The following STK3 variants were observed in gnomAD, a reference collection of about 807,000 sequenced individuals.
The protein encoded by STK3 is serine/threonine-protein kinase 3.
STK3 carries 41 observed loss-of-function variants against 58.0 expected under a neutral mutation model. That is an observed-to-expected ratio of 0.71 (90% confidence interval 0.55 to 0.92). The LOEUF (loss-of-function observed/expected upper bound fraction) is 0.92, where lower values mean the gene tolerates loss of function less well. STK3 is among the 40% of genes least tolerant of loss of function. STK3 has a pLI of 0.00. For missense variants in STK3, 479 were observed against 602.7 expected (o/e 0.79, Z 2.15); for synonymous variants, 170 against 191.0 (o/e 0.89, Z 0.91).
At position 98,509,472 on chromosome 8, in the gene STK3, GA is replaced by G. The variant is rs143107201; in HGVS notation, c.1317+17269del. Among the ~76,000 whole-genome samples, 1,432 of 152,056 alleles carry G rather than the reference GA, an allele frequency of 9.4e-3. 10 individuals are homozygous for G. The highest frequency in any genetic ancestry group is 0.038 in the Middle Eastern group (11 of 286). ...AGATGACTATTGTGCAGATTATTAA[GA>G]GACTGGTAAGTTTAATGAAAACATC... On this transcript the variant is annotated intron_variant, in intron 10 of 10. Transcript: ENST00000419617.
rs143789591 is a variant in STK3, at chr8:98,866,567, G to A, written c.110+17080C>T. 3.2e-3 allele frequency among the ~76,000 whole-genome samples: 484 copies of A among 152,328 alleles called. 3 individuals are homozygous for A. Among genetic ancestry groups the A allele is most frequent in the Non-Finnish European group, 5.4e-3 (365 of 68,028 alleles). On this transcript the variant is annotated intron_variant, in intron 3 of 12. Coordinates refer to the STK3 transcript ENST00000523601. ...GGAAGAATACAAGGTGAGTAGGAAC[G>A]CTGGAAAGAGTTTATTGAATACGTA...
At chr8:98,631,935 G>A (rs1232277077) in intron 6 of STK3, among the ~76,000 whole-genome samples, 1 of 152,258 alleles carries the variant, frequency 6.6e-6, no homozygotes, top group African/African-American at 2.4e-5. Flanking sequence ...AAAGTGCTGG[G>A]ATTACAGGCG....
the STK3 span, among the ~76,000 whole-genome samples, chr8:98,354,235 G>A: frequency 1.3e-5 from 2 of 152,192 alleles, no homozygotes; most frequent in African/African-American, 4.8e-5. Context: ...CAATTAGTTG[G>A]AGCCAGGGTA....
chr8:98,805,186 CCTT>C (rs962831703), intron 1 of STK3, among the ~76,000 whole-genome samples: 6 of 152,192 alleles, frequency 3.9e-5, no homozygotes, highest in African/African-American at 1.2e-4. Flanking sequence ...GAACCTAAGA[CCTT>C]CTCAGTCATC....
At chr8:98,722,848 G>A (rs764959742) in intron 4 of STK3, 3 of 491,634 alleles carry the variant, frequency 6.1e-6, no homozygotes, top group Admixed American at 4.4e-5. Flanking sequence ...GAAAACACAT[G>A]AGAGAGGATC....
intron 1 of STK3, among the ~76,000 whole-genome samples, chr8:98,898,177 G>A (rs1195468492): frequency 6.6e-6 from 1 of 152,226 alleles, no homozygotes; most frequent in Non-Finnish European, 1.5e-5. Context: ...TGAGTTCCTG[G>A]ACTTCCCAGT....
intron 1 of STK3, among the ~76,000 whole-genome samples, chr8:98,903,638 C>A (rs1209481569): frequency 2.0e-5 from 3 of 151,070 alleles, no homozygotes; most frequent in Non-Finnish European, 4.4e-5. Flanking sequence ...CTGCTGGGTT[C>A]AAGTGATCCT....
intron 3 of STK3, among the ~76,000 whole-genome samples, chr8:98,756,657 T>C (rs1830305084): frequency 1.3e-5 from 2 of 152,216 alleles, no homozygotes; most frequent in South Asian, 2.1e-4. Flanking sequence ...ATAGTAAGCA[T>C]ATCTTTTTAT....
chr8:98,511,789 TTTTAAATATTAATATAAAAC>T (rs1377852200), intron 10 of STK3, among the ~76,000 whole-genome samples: 3 of 152,150 alleles, frequency 2.0e-5, no homozygotes, highest in African/African-American at 7.2e-5. Flanking sequence ...TCCATGCTTG[TTTTAAATATTAATATAAAAC>T]AGGTTTTCCT....
intron 7 of STK3, among the ~76,000 whole-genome samples, chr8:98,592,432 A>T (rs1357130440): frequency 6.6e-6 from 1 of 152,196 alleles, no homozygotes; most frequent in Non-Finnish European, 1.5e-5. Flanking sequence ...TCTTAATCAT[A>T]TAGGCTGTGC....
chr8:98,433,675 CA>C (rs1818384973), intron 3 of STK3, among the ~76,000 whole-genome samples: 1 of 152,204 alleles, frequency 6.6e-6, no homozygotes, highest in Non-Finnish European at 1.5e-5. Flanking sequence ...TCTATGTCCT[CA>C]TTCTAGCCAT....
At chr8:98,726,088 C>T (rs2131215599) in intron 4 of STK3, among the ~76,000 whole-genome samples, 1 of 152,262 alleles carries the variant, frequency 6.6e-6, no homozygotes, top group South Asian at 2.1e-4. Context: ...GAAGGGCTCA[C>T]TACAGATCTG....
intron 4 of STK3, among the ~76,000 whole-genome samples, chr8:98,711,195 C>G (rs1826400331): frequency 6.6e-6 from 1 of 152,082 alleles, no homozygotes; most frequent in South Asian, 2.1e-4. Context: ...AAAAACAGAG[C>G]AGAAAAACTG....
chr8:98,904,479 T>C (rs1838809367), intron 1 of STK3: 1 of 374,572 alleles, frequency 2.7e-6, no homozygotes, highest in Non-Finnish European at 5.2e-6. Context: ...ACAAACTCCT[T>C]TTGTTTACTG....
the STK3 span, among the ~76,000 whole-genome samples, chr8:98,355,610 A>G: frequency 6.6e-6 from 1 of 152,222 alleles, no homozygotes; most frequent in Non-Finnish European, 1.5e-5. Flanking sequence ...GGCATCTGCT[A>G]TAAGCTTGAC....
chr8:98,486,727 C>T (rs1822294731), intron 10 of STK3, among the ~76,000 whole-genome samples: 1 of 152,098 alleles, frequency 6.6e-6, no homozygotes, highest in South Asian at 2.1e-4. Context: ...GGAAACAATA[C>T]TTGAAAGAAA....
At chr8:98,667,374 G>C (rs2130820339) in intron 6 of STK3, among the ~76,000 whole-genome samples, 1 of 152,134 alleles carries the variant, frequency 6.6e-6, no homozygotes, top group South Asian at 2.1e-4. Context: ...AATGAAAACA[G>C]GTGTCATCAA....
chr8:98,798,334 T>C (rs1833310690), intron 1 of STK3, among the ~76,000 whole-genome samples: 1 of 152,234 alleles, frequency 6.6e-6, no homozygotes, highest in South Asian at 2.1e-4. Context: ...CACAATTTTC[T>C]ATTTTCCTGA....
intron 9 of STK3, among the ~76,000 whole-genome samples, chr8:98,529,354 G>A (rs1457192514): frequency 6.6e-6 from 1 of 152,006 alleles, no homozygotes; most frequent in Non-Finnish European, 1.5e-5. Context: ...CCTACTTTTG[G>A]ATCTCTATGT....
Sources: gnomAD v4.1 joint callset for allele counts (sites outside exome capture counted in the v4.1 genomes callset) on GRCh38, gnomAD v4.1.1 for gene constraint, MANE v1.5 for transcripts, NCBI Gene and HGNC (gene_info 2026-07-23, HGNC 2026-07-21) for gene names.